GBF1: variants seen among roughly 807,000 people sequenced by gnomAD.
GBF1 encodes the protein Golgi-specific brefeldin A-resistance guanine nucleotide exchange factor 1.
GBF1 carries 114 observed loss-of-function variants against 210.5 expected under a neutral mutation model. That is an observed-to-expected ratio of 0.54 (90% CI 0.47 to 0.63). The LOEUF is 0.63. Among genes scored for constraint, GBF1 ranks in the 30% least tolerant of loss-of-function variants. The probability of loss-of-function intolerance (pLI) is 0.00; values close to 1 mark genes in which losing one functional copy is unlikely to be tolerated. For missense variants in GBF1, 1,851 were observed against 2,357.7 expected (o/e 0.79, Z 4.45); for synonymous variants, 850 against 889.2 (o/e 0.96, Z 0.78).
intron 1 of GBF1, among the ~76,000 whole-genome samples, chr10:102,250,352 C>T (rs895846819): frequency 6.6e-6 from 1 of 151,880 alleles, no homozygotes; most frequent in Non-Finnish European, 1.5e-5. Context: ...CGTGCCACCA[C>T]GCCTGCCTGA....
At chr10:102,334,245 G>C (rs1354597757) in intron 3 of GBF1, among the ~76,000 whole-genome samples, 1 of 152,188 alleles carries the variant, frequency 6.6e-6, no homozygotes, top group African/African-American at 2.4e-5. Context: ...CTTTTTCCTT[G>C]TCAGCGTAAT....
intron 3 of GBF1, 120 bp downstream of exon 3, chr10:102,260,236 G>T: frequency 3.6e-6 from 2 of 561,796 alleles, no homozygotes; most frequent in East Asian, 3.0e-5. Flanking sequence ...AGGCTTTGTG[G>T]GCCATACACA....
chr10:102,296,760 G>GT (rs1389882225), intron 3 of GBF1, among the ~76,000 whole-genome samples: 3 of 150,484 alleles, frequency 2.0e-5, no homozygotes, highest in African/African-American at 7.3e-5. Context: ...AAAAAGAATT[G>GT]TAGGCCAGGC....
Position 102,287,340 on chromosome 10 carries a change from T to TTTTA in GBF1, c.163+27227_163+27228insATTT, listed in dbSNP as rs1391990338. Reference sequence around the variant, plus strand: ...ATTTCACACAGTTTCTTTTATTTTATTTTCTTTTTTTTTTTTTTTTTTTTT... The same window carrying TTTTA: ...ATTTCACACAGTTTCTTTTATTTTATTTTATTTCTTTTTTTTTTTTTTTTTTTTT... On this transcript the variant is annotated intron_variant, in intron 3 of 39. Transcript: ENST00000369983. Among the ~76,000 whole-genome samples the TTTTA allele has an allele frequency of 1.0e-3, 134 of 129,090 alleles. 1 individual carries two copies. The highest frequency in any genetic ancestry group is 1.8e-3 in the Non-Finnish European group (110 of 61,426). The allele number at this position is 129,090 out of a possible 152,430, so 84.7% of individuals were successfully genotyped here.
the GBF1 span, among the ~76,000 whole-genome samples, chr10:102,237,462 A>G: frequency 1.3e-5 from 2 of 152,108 alleles, no homozygotes; most frequent in Non-Finnish European, 2.9e-5. Flanking sequence ...AACGAGTCAA[A>G]CCGAGGGGGC....
intron 1 of GBF1, among the ~76,000 whole-genome samples, chr10:102,248,963 T>C (rs2071167748): frequency 6.6e-6 from 1 of 152,208 alleles, no homozygotes; most frequent in South Asian, 2.1e-4. Flanking sequence ...AGCCAACTGC[T>C]CCTTTTTCAG....
intron 3 of GBF1, among the ~76,000 whole-genome samples, chr10:102,275,012 T>C (rs2074816517): frequency 1.7e-5 from 1 of 60,554 alleles, no homozygotes; most frequent in African/African-American, 4.7e-5. Context: ...GCGCCAGGAC[T>C]TTTTTTTTTT....
At chr10:102,370,358 A>G (rs766758741) in intron 27 of GBF1, 26 bp from the exon 28 acceptor site, 120 of 1,557,164 alleles carry the variant, frequency 7.7e-5, no homozygotes, top group Non-Finnish European at 9.4e-5. Context: ...TTCCATGCCT[A>G]CTTTCCTGCT....
rs1229217526 is a variant in GBF1, at chr10:102,360,167, C to G, written c.1181-17C>G. 1 of 1,566,368 alleles carries G rather than the reference C, an allele frequency of 6.4e-7. No homozygotes were observed. The highest frequency in any genetic ancestry group is 1.7e-5 in the Admixed American group (1 of 59,970). On this transcript the variant is annotated splice_polypyrimidine_tract_variant and intron_variant, in intron 11 of 39. Coordinates refer to ENST00000369983, the MANE Select transcript of GBF1 (RefSeq NM_001377137.1). ...GTTGTTTTATAGCAGTCTCACTCTCCTCCTGGCCTTCCCCAGGCACAGCTT... is the reference window on the plus strand; with the variant it reads ...GTTGTTTTATAGCAGTCTCACTCTCGTCCTGGCCTTCCCCAGGCACAGCTT...
At position 102,362,460 on chromosome 10, in the gene GBF1, C is replaced by G; in HGVS notation, c.1687-15C>G. The G allele has an allele frequency of 6.4e-7, 1 of 1,568,694 alleles. No individual in the cohort carries two copies. Among genetic ancestry groups the G allele is most frequent in the Non-Finnish European group, 8.8e-7 (1 of 1,141,780 alleles). On this transcript the variant is annotated splice_polypyrimidine_tract_variant and intron_variant, in intron 14 of 39. Coordinates refer to ENST00000369983, the MANE Select transcript of GBF1 (RefSeq NM_001377137.1). ...TCTCCTAACTACAAGTCCAATTGATCTGTTTACTTTCCAGAATGCCTTCCC... is the reference window on the plus strand; with the variant it reads ...TCTCCTAACTACAAGTCCAATTGATGTGTTTACTTTCCAGAATGCCTTCCC...
At chr10:102,340,515 C>T (rs1402192832) in intron 3 of GBF1, among the ~76,000 whole-genome samples, 3 of 151,316 alleles carry the variant, frequency 2.0e-5, no homozygotes, top group South Asian at 2.1e-4. Context: ...CCTTGTGATC[C>T]GCCTGCCTCG....
At chr10:102,249,157 G>C (rs1382214500) in intron 1 of GBF1, among the ~76,000 whole-genome samples, 1 of 152,198 alleles carries the variant, frequency 6.6e-6, no homozygotes, top group East Asian at 1.9e-4. Context: ...GTTACTGGAT[G>C]ATGACCCTCA....
chr10:102,307,576 G>A (rs2078008788), intron 3 of GBF1, among the ~76,000 whole-genome samples: 2 of 152,070 alleles, frequency 1.3e-5, no homozygotes, highest in Non-Finnish European at 2.9e-5. Context: ...GGATCACAAG[G>A]TCAGGAGATT....
At chr10:102,272,985 C>G (rs549551346) in intron 3 of GBF1, among the ~76,000 whole-genome samples, 1 of 152,276 alleles carries the variant, frequency 6.6e-6, no homozygotes, top group South Asian at 2.1e-4. Context: ...CATCTTTGAA[C>G]ACTTCCTTGC....
intron 3 of GBF1, among the ~76,000 whole-genome samples, chr10:102,328,543 A>G (rs72845666): frequency 0.031 from 4,752 of 152,280 alleles, 126 homozygotes; most frequent in Non-Finnish European, 0.051. Context: ...AATTTATGAT[A>G]TGCTGCTGTA....
intron 29 of GBF1, among the ~76,000 whole-genome samples, chr10:102,372,418 G>A (rs373089167): frequency 6.6e-6 from 1 of 152,000 alleles, no homozygotes; most frequent in African/African-American, 2.4e-5. Context: ...AGGAGGCTGA[G>A]GCAGGAGAAT....
In GBF1 at chr10:102,377,175, T is replaced by C. The variant is rs1239775418; in HGVS notation, c.4494+35T>C. ...GCACCCTTTACTTCCTCTCCTCCCC[T>C]GCACCTGATACTGGGAGCCTGGGGC... is the stretch of plus-strand genomic sequence containing the variant. On this transcript the variant is annotated intron_variant, in intron 33 of 39. Coordinates refer to ENST00000369983, the MANE Select transcript of GBF1 (RefSeq NM_001377137.1). The C allele has an allele frequency of 7.8e-6, 12 of 1,536,210 alleles. No homozygotes were observed. The East Asian group carries it at 2.0e-4, about 26-fold the overall frequency.
intron 3 of GBF1, among the ~76,000 whole-genome samples, chr10:102,317,945 G>A (rs757967526): frequency 9.2e-5 from 14 of 152,016 alleles, no homozygotes; most frequent in Admixed American, 3.9e-4. Flanking sequence ...GTCTCGCCCT[G>A]TCACCCAGGC....
At chr10:102,307,746 C>T (rs543851883) in intron 3 of GBF1, among the ~76,000 whole-genome samples, 4 of 152,118 alleles carry the variant, frequency 2.6e-5, no homozygotes, top group South Asian at 2.1e-4. Context: ...GCCGAGATCG[C>T]GCCATTGCAC....
Sources: allele counts gnomAD v4.1 joint callset (sites outside exome capture counted in the v4.1 genomes callset), GRCh38; gene constraint gnomAD v4.1.1; transcripts MANE v1.5; gene names NCBI Gene and HGNC (gene_info 2026-07-23, HGNC 2026-07-21).